Variants in IQGAP1 observed in about 807,000 individuals in gnomAD.
IQGAP1 encodes IQ motif containing GTPase activating protein 1, also known as ras GTPase-activating-like protein IQGAP1.
IQGAP1 carries 66 observed loss-of-function variants against 215.6 expected under a neutral mutation model. That is an observed-to-expected ratio of 0.31 (90% CI 0.25 to 0.38). The LOEUF is 0.38. Ranked by LOEUF, IQGAP1 falls within the 10% of genes least tolerant of loss-of-function variation. The pLI, the probability that IQGAP1 is intolerant of heterozygous loss-of-function variation, is 1.00. For missense variants in IQGAP1, 1,712 were observed against 1,997.1 expected, an observed-to-expected ratio of 0.86 and a Z score of 2.72; for synonymous variants, 772 against 728.7, an observed-to-expected ratio of 1.06 and a Z score of -0.96.
At chr15:90,468,384 G>A (rs1189247878) in intron 18 of IQGAP1, among the ~76,000 whole-genome samples, 1 of 151,954 alleles carries the variant, frequency 6.6e-6, no homozygotes, top group African/African-American at 2.4e-5. Context: ...GTTATTTGTT[G>A]AATACCTCAA....
At chr15:90,400,420 G>C (rs576742497) in intron 2 of IQGAP1, among the ~76,000 whole-genome samples, 353 of 152,208 alleles carry the variant, frequency 2.3e-3, no homozygotes, top group Non-Finnish European at 3.8e-3. Context: ...CTCCATTCTT[G>C]TTAATAGCTT....
intron 3 of IQGAP1, among the ~76,000 whole-genome samples, chr15:90,429,288 G>A (rs890194846): frequency 1.3e-5 from 2 of 152,176 alleles, no homozygotes; most frequent in African/African-American, 4.8e-5. Flanking sequence ...CCTAAAGGAT[G>A]AAGTGGCTTT....
At chr15:90,430,925 A>G (rs1448645584) in intron 4 of IQGAP1, among the ~76,000 whole-genome samples, 2 of 148,306 alleles carry the variant, frequency 1.3e-5, no homozygotes, top group Non-Finnish European at 3.0e-5. Context: ...TATTATATAG[A>G]TAAATATATG....
chr15:90,447,824 G>A (rs1027728453), intron 9 of IQGAP1, among the ~76,000 whole-genome samples: 9 of 152,074 alleles, frequency 5.9e-5, no homozygotes, highest in African/African-American at 2.2e-4. Flanking sequence ...ATTTTCAGAT[G>A]AAGGAACATC....
intron 11 of IQGAP1, among the ~76,000 whole-genome samples, chr15:90,450,687 C>T (rs1365888938): frequency 1.3e-5 from 2 of 151,802 alleles, no homozygotes; most frequent in Non-Finnish European, 2.9e-5. Context: ...ATGTGTATTT[C>T]CCTGATGATT....
intron 26 of IQGAP1, among the ~76,000 whole-genome samples, chr15:90,481,483 A>G (rs1966058580): frequency 6.6e-6 from 1 of 150,962 alleles, no homozygotes; most frequent in South Asian, 2.1e-4. Context: ...CTGCTTTTCC[A>G]CTGTCATTTC....
intron 11 of IQGAP1, among the ~76,000 whole-genome samples, chr15:90,450,330 CTTTTTTTTTTTTTTTTTTTTT>C (rs869037347): frequency 5.5e-5 from 3 of 54,424 alleles, no homozygotes; most frequent in Admixed American, 2.7e-4. Flanking sequence ...TATACACTAC[CTTTTTTTTTTTTTTTTTTTTT>C]TTTTTTTTTT....
chr15:90,492,647 G>A lies in IQGAP1; in HGVS notation c.4564G>A (p.Glu1522Lys), dbSNP rs974066362. ...GAACTCTAAGGCCACCTTTTATGGG[G>A]AGCAGGTGGATTACTATAAAAGCTA... ...ALNSKATFYG[E>K]QVDYYKSYIK... is the part of the protein sequence containing the mutation. The change falls in exon 35 of 38, where the codon GAG (glutamate) becomes AAG (lysine). Residue 1522 changes from glutamate to lysine, a missense_variant. Glu to Lys is a moderately conservative substitution (Grantham distance 56). Coordinates refer to ENST00000268182, the MANE Select transcript of IQGAP1 (RefSeq NM_003870.4). 2 of 1,613,936 alleles carry A rather than the reference G, an allele frequency of 1.2e-6. No homozygotes were observed. Among genetic ancestry groups the A allele is most frequent in the African/African-American group, 1.3e-5 (1 of 74,914 alleles).
chr15:90,409,909 G>A (rs951209104), intron 2 of IQGAP1, among the ~76,000 whole-genome samples: 1 of 152,174 alleles, frequency 6.6e-6, no homozygotes, highest in Admixed American at 6.5e-5. Context: ...GTGATGATGA[G>A]CATTTTTTCA....
At chr15:90,431,052 ATT>A (rs1567123951) in intron 4 of IQGAP1, among the ~76,000 whole-genome samples, 1 of 148,264 alleles carries the variant, frequency 6.7e-6, no homozygotes, top group Non-Finnish European at 1.5e-5. Context: ...TATATTATAT[ATT>A]ATATATACAC....
At chr15:90,474,765 A>C in intron 23 of IQGAP1, 72 bp downstream of exon 23, 1 of 1,177,946 alleles carries the variant, frequency 8.5e-7, no homozygotes, top group Non-Finnish European at 1.3e-6. Flanking sequence ...CCCCTTTCTG[A>C]CTGGTGGGGA....
chr15:90,471,170 A>G (rs952193467), intron 18 of IQGAP1, among the ~76,000 whole-genome samples: 2 of 152,122 alleles, frequency 1.3e-5, no homozygotes, highest in Admixed American at 6.6e-5. Flanking sequence ...AATAGTGTAT[A>G]AGGTTGTATT....
rs140551365 is a variant in IQGAP1 at position 90,418,931 on chromosome 15, G to C, written c.156-7179G>C. On this transcript the variant is annotated intron_variant, in intron 2 of 37. Coordinates refer to ENST00000268182, the MANE Select transcript of IQGAP1 (RefSeq NM_003870.4). ...GGAGGGTAAGGCAGGTGGATGGCTT[G>C]AGCCCAGGAGTTTGGACCACCCTGG... is the stretch of plus-strand genomic sequence containing the variant. Among the ~76,000 whole-genome samples the C allele has an allele frequency of 2.0e-5, 3 of 152,260 alleles. No homozygotes were observed. In the East Asian group the frequency reaches 5.8e-4, roughly 29 times the overall value.
At chr15:90,394,145 A>G (rs866707664) in intron 2 of IQGAP1, among the ~76,000 whole-genome samples, 3 of 142,640 alleles carry the variant, frequency 2.1e-5, no homozygotes, top group Non-Finnish European at 3.1e-5. Flanking sequence ...CAAAAAAAAA[A>G]AAAAAAAAAA....
intron 2 of IQGAP1, among the ~76,000 whole-genome samples, chr15:90,411,809 A>C (rs1221770813): frequency 6.6e-6 from 1 of 152,156 alleles, no homozygotes; most frequent in Non-Finnish European, 1.5e-5. Context: ...GGATGGATGG[A>C]TAGATAGACA....
chr15:90,411,267 C>CTTTCT lies in IQGAP1; in HGVS notation c.156-14824_156-14820dup, dbSNP rs201984335. 1.6e-4 allele frequency among the ~76,000 whole-genome samples: 25 copies of CTTTCT among 151,900 alleles called. 1 individual carries two copies. Among genetic ancestry groups the CTTTCT allele is most frequent in the East Asian group, 9.7e-4 (5 of 5,162 alleles). On this transcript the variant is annotated intron_variant, in intron 2 of 37. Transcript: ENST00000268182. ...AAGGCAAGTACTACGTTCTTTCTTT[C>CTTTCT]TTTCTTTTCTTTTCTTTTCTTTTTT...
At chr15:90,473,616 G>T (rs576114589) in intron 19 of IQGAP1, 99 bp from the exon 20 acceptor site, 66 of 813,664 alleles carry the variant, frequency 8.1e-5, no homozygotes, top group Non-Finnish European at 1.2e-4. Context: ...ACTTCATCAT[G>T]AAATTGCACT....
intron 5 of IQGAP1, among the ~76,000 whole-genome samples, chr15:90,438,905 A>G (rs535401256): frequency 1.3e-5 from 2 of 151,964 alleles, no homozygotes. Context: ...TTGTATTTTT[A>G]GTAGAGACAG....
At position 90,474,701 on chromosome 15, in the gene IQGAP1, C is replaced by G. The variant is rs1407278560; in HGVS notation, c.2784+8C>G. The G allele has an allele frequency of 6.3e-7, 1 of 1,599,914 alleles. No homozygotes were observed. Among genetic ancestry groups the G allele is most frequent in the African/African-American group, 1.3e-5 (1 of 74,576 alleles). ...AATAAGATTACGTTGCAGGTATGGCCCAGTGCCAGCGGGGGCCTTGGAACG... is the reference window on the plus strand; with the variant it reads ...AATAAGATTACGTTGCAGGTATGGCGCAGTGCCAGCGGGGGCCTTGGAACG... On this transcript the variant is annotated splice_region_variant and intron_variant, in intron 23 of 37. Transcript: ENST00000268182.
Sources: gnomAD v4.1 joint callset for allele counts (sites outside exome capture counted in the v4.1 genomes callset) on GRCh38, gnomAD v4.1.1 for gene constraint, MANE v1.5 for transcripts, NCBI Gene and HGNC (gene_info 2026-07-23, HGNC 2026-07-21) for gene names.